Variants in NDST3 observed in about 807,000 individuals in gnomAD.
NDST3 encodes the protein N-deacetylase and N-sulfotransferase 3.
A neutral mutation model predicts 96.1 loss-of-function variants in NDST3; 58 were observed. That is an observed-to-expected ratio of 0.60 (90% CI 0.49 to 0.75). The LOEUF (loss-of-function observed/expected upper bound fraction) is 0.75. Ranked by LOEUF, NDST3 falls within the 30% of genes least tolerant of loss-of-function variation. NDST3 has a pLI of 0.00. For missense variants in NDST3, 788 were observed against 1,034.2 expected (o/e 0.76, Z 3.27); for synonymous variants, 333 against 359.7 (o/e 0.93, Z 0.84).
chr4:118,140,510 T>C (rs1277440270), intron 5 of NDST3, among the ~76,000 whole-genome samples: 1 of 152,146 alleles, frequency 6.6e-6, no homozygotes, highest in Non-Finnish European at 1.5e-5. Flanking sequence ...TACTCTAATC[T>C]CTGGTTGTTG....
At chr4:118,159,434 G>A (rs990324539) in intron 6 of NDST3, among the ~76,000 whole-genome samples, 2 of 152,180 alleles carry the variant, frequency 1.3e-5, no homozygotes, top group Admixed American at 6.5e-5. Flanking sequence ...TTACTTGGCT[G>A]ATTGGTGAAG....
intron 6 of NDST3, among the ~76,000 whole-genome samples, chr4:118,187,786 A>G (rs1737060468): frequency 6.6e-6 from 1 of 152,224 alleles, no homozygotes; most frequent in African/African-American, 2.4e-5. Context: ...CTCCCTGGTT[A>G]GCTTTACCTT....
chr4:118,238,129 G>A (rs1313826414), intron 10 of NDST3, among the ~76,000 whole-genome samples: 1 of 141,470 alleles, frequency 7.1e-6, no homozygotes, highest in African/African-American at 2.6e-5. Context: ...AGAAGAGAGA[G>A]AGAGAGAGAG....
chr4:118,074,106 AT>A (rs1727299228), intron 2 of NDST3, among the ~76,000 whole-genome samples: 1 of 152,034 alleles, frequency 6.6e-6, no homozygotes, highest in Non-Finnish European at 1.5e-5. Flanking sequence ...CTTAGTATTG[AT>A]TTCTATTTTT....
At chr4:118,210,303 G>A (rs1738703485) in intron 6 of NDST3, among the ~76,000 whole-genome samples, 1 of 152,154 alleles carries the variant, frequency 6.6e-6, no homozygotes, top group African/African-American at 2.4e-5. Flanking sequence ...GTTGTTGTCT[G>A]CCTTACAACT....
rs543717885 is a variant in NDST3 at position 118,152,970 on chromosome 4, T to C, written c.1539+9286T>C. Among the ~76,000 whole-genome samples the C allele has an allele frequency of 5.3e-5, 8 of 152,316 alleles. No homozygotes were observed. The South Asian group carries it at 1.7e-3, about 32-fold the overall frequency. ...TGGCCTTCTGTGAAATGTCCATTCTTGGTTCATATCCCCACATGCCCCCCA... is the reference window on the plus strand; with the variant it reads ...TGGCCTTCTGTGAAATGTCCATTCTCGGTTCATATCCCCACATGCCCCCCA... On this transcript the variant is annotated intron_variant, in intron 6 of 13. Coordinates refer to ENST00000296499, the MANE Select transcript of NDST3 (RefSeq NM_004784.3).
At chr4:118,086,641 A>G (rs1363175388) in intron 2 of NDST3, among the ~76,000 whole-genome samples, 8 of 152,154 alleles carry the variant, frequency 5.3e-5, no homozygotes, top group African/African-American at 1.9e-4. Flanking sequence ...GAAAATCACA[A>G]TAGAGCACTT....
intron 8 of NDST3, among the ~76,000 whole-genome samples, chr4:118,227,238 T>C (rs983441979): frequency 4.7e-5 from 7 of 148,934 alleles, no homozygotes; most frequent in African/African-American, 1.7e-4. Flanking sequence ...TTTTTTTTTT[T>C]CCCCCCCAAA....
intron 2 of NDST3, among the ~76,000 whole-genome samples, chr4:118,078,618 G>A (rs1163024099): frequency 2.0e-5 from 3 of 151,908 alleles, no homozygotes; most frequent in African/African-American, 4.8e-5. Context: ...GCGTGGTGGC[G>A]GATGCCTGTA....
chr4:118,255,538 T>C (rs1742064722), intron 13 of NDST3, 55 bp from the exon 14 acceptor site: 7 of 1,524,590 alleles, frequency 4.6e-6, no homozygotes, highest in Non-Finnish European at 4.5e-6. Flanking sequence ...AGTCAAAGTG[T>C]ATGAAATGTA....
chr4:118,130,203 G>A (rs1732495685), intron 4 of NDST3, among the ~76,000 whole-genome samples: 2 of 151,958 alleles, frequency 1.3e-5, no homozygotes, highest in Non-Finnish European at 2.9e-5. Flanking sequence ...TTATTTACGT[G>A]TAGAAACTTA....
intron 6 of NDST3, among the ~76,000 whole-genome samples, chr4:118,151,310 C>T (rs930410653): frequency 1.2e-4 from 18 of 151,840 alleles, no homozygotes; most frequent in African/African-American, 4.4e-4. Context: ...GTGGGTGCAG[C>T]GCACCAGCAT....
intron 9 of NDST3, 77 bp downstream of exon 9, chr4:118,233,212 C>T (rs1028590226): frequency 3.2e-5 from 39 of 1,222,326 alleles, no homozygotes; most frequent in Admixed American, 5.5e-5. Context: ...TATTTAGAAA[C>T]ATCTAAGTTT....
intron 6 of NDST3, among the ~76,000 whole-genome samples, chr4:118,199,810 T>C (rs1012803204): frequency 6.6e-6 from 1 of 152,146 alleles, no homozygotes; most frequent in East Asian, 1.9e-4. Context: ...TGCAGACTCA[T>C]AGAGGTACTG....
At chr4:118,097,955 T>C (rs1173285444) in intron 2 of NDST3, among the ~76,000 whole-genome samples, 1 of 151,948 alleles carries the variant, frequency 6.6e-6, no homozygotes, top group Non-Finnish European at 1.5e-5. Context: ...TCATGGAGTT[T>C]ATAGTCCAGC....
intron 2 of NDST3, among the ~76,000 whole-genome samples, chr4:118,079,410 G>GA (rs1560627758): frequency 6.6e-6 from 1 of 152,170 alleles, no homozygotes; most frequent in African/African-American, 2.4e-5. Context: ...GCTGAGACAT[G>GA]AAAGAGGAGA....
intron 2 of NDST3, among the ~76,000 whole-genome samples, chr4:118,101,559 C>T (rs1729765194): frequency 6.6e-6 from 1 of 152,070 alleles, no homozygotes; most frequent in Non-Finnish European, 1.5e-5. Context: ...CAATTATTTT[C>T]TGCTGCAGAA....
At chr4:118,060,919 A>C (rs1035635256) in intron 2 of NDST3, among the ~76,000 whole-genome samples, 1 of 152,038 alleles carries the variant, frequency 6.6e-6, no homozygotes, top group African/African-American at 2.4e-5. Flanking sequence ...TGTTTTTACT[A>C]CCATCAAAGT....
At chr4:118,152,220 TG>T (rs1191804870) in intron 6 of NDST3, among the ~76,000 whole-genome samples, 15 of 152,190 alleles carry the variant, frequency 9.9e-5, no homozygotes, top group African/African-American at 3.6e-4. Context: ...TATGTATCGT[TG>T]TGTTCTGTTC....
Sources: allele counts gnomAD v4.1 joint callset (sites outside exome capture counted in the v4.1 genomes callset), GRCh38; gene constraint gnomAD v4.1.1; transcripts MANE v1.5; gene names NCBI Gene and HGNC (gene_info 2026-07-23, HGNC 2026-07-21).